PRMT8: variants seen among roughly 807,000 people sequenced by gnomAD.
PRMT8 encodes protein arginine methyltransferase 8, also known as protein arginine N-methyltransferase 8.
A neutral mutation model predicts 47.1 loss-of-function variants in PRMT8; 7 were observed. The ratio of observed to expected loss-of-function variants is 0.15; its 90% CI spans 0.08 to 0.28. The LOEUF (loss-of-function observed/expected upper bound fraction) is 0.28. Ranked by LOEUF, PRMT8 falls within the 10% of genes least tolerant of loss-of-function variation. PRMT8 has a pLI of 1.00. For missense variants in PRMT8, 237 were observed against 505.4 expected (o/e 0.47, Z 5.09); for synonymous variants, 188 against 186.5 (o/e 1.01, Z -0.07).
intron 4 of PRMT8, among the ~76,000 whole-genome samples, chr12:3,567,549 A>G (rs1218067598): frequency 6.6e-6 from 1 of 152,222 alleles, no homozygotes; most frequent in Non-Finnish European, 1.5e-5. Flanking sequence ...GAAGAGTTTT[A>G]GAGTCATGTC....
At chr12:3,439,514 C>T (rs1475855841) in intron 1 of PRMT8, among the ~76,000 whole-genome samples, 1 of 152,172 alleles carries the variant, frequency 6.6e-6, no homozygotes, top group African/African-American at 2.4e-5. Flanking sequence ...TTCTCTGAAA[C>T]CTCACCCTCT....
At chr12:3,407,308 C>A (rs774026984) in intron 1 of PRMT8, among the ~76,000 whole-genome samples, 11 of 152,128 alleles carry the variant, frequency 7.2e-5, no homozygotes, top group Non-Finnish European at 1.5e-4. Context: ...GGGGACACAG[C>A]CAAACCATAT....
intron 1 of PRMT8, among the ~76,000 whole-genome samples, chr12:3,438,490 A>G (rs1271434822): frequency 6.6e-6 from 1 of 152,220 alleles, no homozygotes; most frequent in East Asian, 1.9e-4. Context: ...CATGATATCA[A>G]CAAGGTCTTT....
At chr12:3,458,912 A>G (rs1865006292) in intron 1 of PRMT8, among the ~76,000 whole-genome samples, 1 of 152,052 alleles carries the variant, frequency 6.6e-6, no homozygotes, top group South Asian at 2.1e-4. Flanking sequence ...TTTCTTTACC[A>G]AGTTGCTCAG....
chr12:3,538,824 C>G lies in PRMT8; in HGVS notation c.76-1782C>G. On this transcript the variant is annotated intron_variant, in intron 1 of 9. Coordinates refer to ENST00000382622, the MANE Select transcript of PRMT8 (RefSeq NM_019854.5). This position sits in a 1 kb window ranked among gnomAD's most constrained non-coding sequence, Gnocchi z 4.6. ...GCACACCTGCTGCATTCTAATGAGG[C>G]AGCCCCACTCGCCTTTGCCAGCCCG... 2.0e-6 allele frequency: 1 copy of G among 492,776 alleles called. No homozygotes were observed. Among genetic ancestry groups the G allele is most frequent in the Non-Finnish European group, 4.1e-6 (1 of 243,728 alleles). 30.5% of individuals were successfully genotyped at this position (492,776 alleles called of 1,614,324 possible).
At chr12:3,397,460 G>C (rs542918555) in intron 1 of PRMT8, among the ~76,000 whole-genome samples, 1 of 147,194 alleles carries the variant, frequency 6.8e-6, no homozygotes, top group African/African-American at 2.5e-5. Flanking sequence ...GTCTGTTGGA[G>C]TACTGGGCCC....
At chr12:3,546,624 T>C (rs1339886772) in intron 2 of PRMT8, among the ~76,000 whole-genome samples, 1 of 152,148 alleles carries the variant, frequency 6.6e-6, no homozygotes, top group Non-Finnish European at 1.5e-5. Context: ...AAAACTGACA[T>C]AAAATGCATT....
intron 4 of PRMT8, among the ~76,000 whole-genome samples, chr12:3,554,903 G>C (rs1163810716): frequency 6.6e-6 from 1 of 152,168 alleles, no homozygotes; most frequent in Admixed American, 6.5e-5. Context: ...GGTGCCTGCT[G>C]CCCTGTCACC....
chr12:3,461,100 C>T (rs967814227), intron 1 of PRMT8, among the ~76,000 whole-genome samples: 1 of 152,158 alleles, frequency 6.6e-6, no homozygotes, highest in African/African-American at 2.4e-5. Context: ...TTTATTTATT[C>T]ATCCAACAAG....
chr12:3,395,930 C>T (rs1377572565), intron 1 of PRMT8, among the ~76,000 whole-genome samples: 1 of 152,004 alleles, frequency 6.6e-6, no homozygotes, highest in African/African-American at 2.4e-5. Flanking sequence ...GGATAGTTAG[C>T]TCTTCTTGTT....
In PRMT8 at chr12:3,436,648, C is replaced by T. The variant is rs546044015; in HGVS notation, c.48+55206C>T. 6.6e-6 allele frequency among the ~76,000 whole-genome samples: 1 copy of T among 152,262 alleles called. No individual in the cohort carries two copies. Among genetic ancestry groups the T allele is most frequent in the South Asian group, 2.1e-4 (1 of 4,814 alleles). On this transcript the variant is annotated intron_variant, in intron 1 of 9. Transcript: ENST00000452611. This position sits in a 1 kb window ranked among gnomAD's most constrained non-coding sequence, Gnocchi z 4.2. ...GAGAAGTTTCAGCTGGGTGCATGGC[C>T]ATAATTGGGTTACGGGGCTGCTAAT...
At chr12:3,467,165 G>A (rs1865106668) in intron 1 of PRMT8, among the ~76,000 whole-genome samples, 1 of 150,332 alleles carries the variant, frequency 6.7e-6, no homozygotes, top group Admixed American at 6.7e-5. Flanking sequence ...GCATGAACCT[G>A]GGAGGCGGAG....
At chr12:3,455,577 G>A (rs888584454) in intron 1 of PRMT8, among the ~76,000 whole-genome samples, 3 of 152,278 alleles carry the variant, frequency 2.0e-5, no homozygotes, top group South Asian at 4.1e-4. Context: ...CATGGGAGTA[G>A]GTGTGTGCAT....
intron 1 of PRMT8, among the ~76,000 whole-genome samples, chr12:3,479,227 C>G (rs1158652225): frequency 6.6e-6 from 1 of 152,232 alleles, no homozygotes; most frequent in Admixed American, 6.5e-5. Context: ...GTTCCCAGGA[C>G]AGGTTCATGC....
chr12:3,402,689 T>C (rs547616326), intron 1 of PRMT8, among the ~76,000 whole-genome samples: 1 of 152,176 alleles, frequency 6.6e-6, no homozygotes, highest in Non-Finnish European at 1.5e-5. Flanking sequence ...AAAGAAGACA[T>C]ACATTTGGCC....
intron 2 of PRMT8, among the ~76,000 whole-genome samples, chr12:3,543,985 C>T (rs1866281363): frequency 6.6e-6 from 1 of 152,228 alleles, no homozygotes; most frequent in Non-Finnish European, 1.5e-5. Context: ...CCCTCCAGCA[C>T]CCTGAGCTCT....
intron 1 of PRMT8, among the ~76,000 whole-genome samples, chr12:3,397,795 C>T (rs960535273): frequency 1.1e-4 from 17 of 152,034 alleles, no homozygotes; most frequent in Non-Finnish European, 2.4e-4. Context: ...CAATGGCGGG[C>T]GCCCCTCCCC....
intron 1 of PRMT8, among the ~76,000 whole-genome samples, chr12:3,476,817 T>C (rs1865219405): frequency 6.6e-6 from 1 of 152,204 alleles, no homozygotes; most frequent in Non-Finnish European, 1.5e-5. Flanking sequence ...TGAGCATCTA[T>C]GCATGCAGCA....
At position 3,532,569 on chromosome 12, in the gene PRMT8, G is replaced by A. The variant is rs183481208; in HGVS notation, c.76-8037G>A. Among the ~76,000 whole-genome samples the A allele has an allele frequency of 4.1e-3, 474 of 114,356 alleles. 2 individuals are homozygous for A. The highest frequency in any genetic ancestry group is 0.015 in the African/African-American group (433 of 29,386). The allele number at this position is 114,356 out of a possible 152,430, so 75.0% of individuals were successfully genotyped here. A position where few individuals can be genotyped will look rare whatever the true frequency, so the allele number is the denominator to read the frequency against. ...AGAGCTTGCAGTGAGCTGAGATCACGCCACTGCACTCCAGCCTGGGCGACA... is the reference window on the plus strand; with the variant it reads ...AGAGCTTGCAGTGAGCTGAGATCACACCACTGCACTCCAGCCTGGGCGACA... On this transcript the variant is annotated intron_variant, in intron 1 of 9. Coordinates refer to ENST00000382622, the MANE Select transcript of PRMT8 (RefSeq NM_019854.5).
Sources: gnomAD v4.1 joint callset for allele counts (sites outside exome capture counted in the v4.1 genomes callset) on GRCh38, gnomAD v4.1.1 for gene constraint, Gnocchi (gnomAD v3.1) non-coding constraint, MANE v1.5 for transcripts, NCBI Gene and HGNC (gene_info 2026-07-23, HGNC 2026-07-21) for gene names.